The following RFTN1 variants were observed in gnomAD, a reference collection of about 807,000 sequenced individuals.
The protein encoded by RFTN1 is raftlin.
A neutral mutation model predicts 46.5 loss-of-function variants in RFTN1; 26 were observed. The observed-to-expected ratio is 0.56, with a 90% confidence interval of 0.41 to 0.78. The LOEUF (loss-of-function observed/expected upper bound fraction) is 0.78, where lower values mean the gene tolerates loss of function less well. Among genes scored for constraint, RFTN1 ranks in the 30% least tolerant of loss-of-function variants. The pLI is 0.00. For missense variants in RFTN1, 693 were observed against 718.7 expected, an observed-to-expected ratio of 0.96 and a Z score of 0.41; for synonymous variants, 261 against 284.2, an observed-to-expected ratio of 0.92 and a Z score of 0.82.
intron 4 of RFTN1, among the ~76,000 whole-genome samples, chr3:16,405,040 A>G (rs1178193752): frequency 6.6e-6 from 1 of 152,072 alleles, no homozygotes; most frequent in Admixed American, 6.6e-5. Flanking sequence ...CAAACTGTAG[A>G]CCTTTCCCAT....
chr3:16,392,262 A>C (rs1011229344), intron 4 of RFTN1, among the ~76,000 whole-genome samples: 5 of 152,202 alleles, frequency 3.3e-5, no homozygotes, highest in Non-Finnish European at 1.5e-5. Context: ...CATAATCACA[A>C]GCAATTAAAA....
In RFTN1 at chr3:16,434,396, A is replaced by C. The variant is rs1462515339; in HGVS notation, c.146-359T>G. Among the ~76,000 whole-genome samples the C allele has an allele frequency of 3.7e-4, 52 of 142,390 alleles. 1 individual carries two copies. Among genetic ancestry groups the C allele is most frequent in the Admixed American group, 2.2e-3 (30 of 13,800 alleles). 93.4% of individuals were successfully genotyped at this position (142,390 alleles called of 152,430 possible). On this transcript the variant is annotated intron_variant, in intron 2 of 9. Coordinates refer to ENST00000334133, the MANE Select transcript of RFTN1 (RefSeq NM_015150.2). ...AACAAACAAACAAACAAACAAACAA[A>C]AACAAAAAAACCCCCTCAAAATTAG...
At chr3:16,453,817 T>A (rs1208685487) in intron 2 of RFTN1, among the ~76,000 whole-genome samples, 1 of 152,186 alleles carries the variant, frequency 6.6e-6, no homozygotes, top group African/African-American at 2.4e-5. Context: ...AAGCAAATAT[T>A]TAAAGCAAAT....
chr3:16,401,886 G>A (rs1257031878), intron 4 of RFTN1, among the ~76,000 whole-genome samples: 1 of 152,232 alleles, frequency 6.6e-6, no homozygotes, highest in Non-Finnish European at 1.5e-5. Context: ...AGAGAGCGGA[G>A]GCTCAGTGGA....
intron 4 of RFTN1, among the ~76,000 whole-genome samples, chr3:16,388,227 T>A (rs955601268): frequency 1.3e-5 from 2 of 152,296 alleles, no homozygotes; most frequent in Non-Finnish European, 1.5e-5. Flanking sequence ...CCCCCCTCCA[T>A]CTCCCTACAA....
chr3:16,476,745 C>T (rs561444224), intron 2 of RFTN1, among the ~76,000 whole-genome samples: 3 of 152,252 alleles, frequency 2.0e-5, no homozygotes, highest in Non-Finnish European at 2.9e-5. Context: ...GACTCACCAT[C>T]GTGGGGGAAA....
In RFTN1 at chr3:16,383,398, A is replaced by C; in HGVS notation, c.442-5296T>G. ...TTTTGACTAATCCACAACTTCACTC[A>C]GTTGCTCTATAATAAGTAAGGACAT... On this transcript the variant is annotated intron_variant, in intron 4 of 9. Transcript: ENST00000334133. This position sits in a 1 kb window ranked among gnomAD's most constrained non-coding sequence, Gnocchi z 4.0. Among the ~76,000 whole-genome samples the C allele has an allele frequency of 6.6e-6, 1 of 152,230 alleles. No individual in the cohort carries two copies. Among genetic ancestry groups the C allele is most frequent in the East Asian group, 1.9e-4 (1 of 5,204 alleles).
intron 6 of RFTN1, among the ~76,000 whole-genome samples, chr3:16,367,761 T>A (rs796510627): frequency 9.2e-3 from 1,165 of 127,136 alleles, no homozygotes; most frequent in South Asian, 0.031. Flanking sequence ...TGACGGGAAG[T>A]AGAGGAGGCT....
intron 2 of RFTN1, among the ~76,000 whole-genome samples, chr3:16,453,223 T>G (rs981274864): frequency 2.0e-5 from 3 of 152,238 alleles, no homozygotes; most frequent in African/African-American, 7.2e-5. Context: ...TCAGAGCCTA[T>G]GCTCTTAACC....
chr3:16,370,045 G>T lies in RFTN1; in HGVS notation c.1030+31C>A. ...GAGTTAGAAGCAGAGTTCACAAAGG[G>T]CCACCCAAGGACTGTGAATTCCAAA... On this transcript the variant is annotated intron_variant, in intron 6 of 9. Coordinates refer to ENST00000334133, the MANE Select transcript of RFTN1 (RefSeq NM_015150.2). This position sits in a 1 kb window ranked among gnomAD's most constrained non-coding sequence, Gnocchi z 5.5. 1 of 1,599,824 alleles carries T rather than the reference G, an allele frequency of 6.3e-7. No homozygotes were observed. Among genetic ancestry groups the T allele is most frequent in the South Asian group, 1.1e-5 (1 of 90,776 alleles).
rs939850409 is a variant in RFTN1 at position 16,409,364 on chromosome 3, G to A, written c.441+11C>T. 6.4e-6 allele frequency: 10 copies of A among 1,563,748 alleles called. No homozygotes were observed. In the East Asian group the frequency reaches 1.3e-4, roughly 21 times the overall value. On this transcript the variant is annotated intron_variant, in intron 4 of 9. Coordinates refer to ENST00000334133, the MANE Select transcript of RFTN1 (RefSeq NM_015150.2). ...AAACCTCTTCAATGGTACCCTGACT[G>A]TAGCGCTCACCTTCTTAATGAACTC...
At chr3:16,482,174 G>A (rs1484114279) in intron 2 of RFTN1, among the ~76,000 whole-genome samples, 1 of 152,062 alleles carries the variant, frequency 6.6e-6, no homozygotes, top group Non-Finnish European at 1.5e-5. Context: ...AGACACACAG[G>A]GCACATGGAG....
Position 16,317,047 on chromosome 3 carries a change from C to G in RFTN1, c.1518G>C (p.Glu506Asp), listed in dbSNP as rs777059989. 1.2e-6 allele frequency: 2 copies of G among 1,613,954 alleles called. No homozygotes were observed. Among genetic ancestry groups the G allele is most frequent in the Admixed American group, 3.3e-5 (2 of 60,010 alleles). Residue 506 changes from glutamate to aspartate, a missense_variant, in exon 10 of 10, where the codon GAG becomes GAC. Transcript: ENST00000334133. This position sits in a 1 kb window ranked among gnomAD's most constrained non-coding sequence, Gnocchi z 4.3. ...CCTCTTGGACAGGGCCCTTCATCTC[C>G]TCGGAGACTCCACCCTCCTGCTGCT... The part of the protein sequence containing the change: ...SGQQQEGGVS[E>D]EMKGPVQEDK...
At chr3:16,375,118 AGAG>A (rs2073707281) in intron 5 of RFTN1, among the ~76,000 whole-genome samples, 1 of 152,152 alleles carries the variant, frequency 6.6e-6, no homozygotes, top group Admixed American at 6.5e-5. Context: ...ACCTGGCAGA[AGAG>A]GAGTAAAAAA....
intron 2 of RFTN1, among the ~76,000 whole-genome samples, chr3:16,436,969 T>C (rs73043160): frequency 0.084 from 12,851 of 152,264 alleles, 664 homozygotes; most frequent in Middle Eastern, 0.13. Flanking sequence ...TCTGTGGGTA[T>C]TTTTATTGGG....
Position 16,481,311 on chromosome 3 carries a change from TTA to T in RFTN1, c.145+12412_145+12413del, listed in dbSNP as rs541270782. ...AAAACTTAAAGCTACGTCACACATA[TTA>T]TCTCATTTATCTTTTGAAAATCTCT... On this transcript the variant is annotated intron_variant, in intron 2 of 9. Transcript: ENST00000334133. This position sits in a 1 kb window ranked among gnomAD's most constrained non-coding sequence, Gnocchi z 5.1. Among the ~76,000 whole-genome samples, 82 of 152,304 alleles carry T rather than the reference TTA, an allele frequency of 5.4e-4. No homozygotes were observed. In the South Asian group the frequency reaches 0.017, roughly 31 times the overall value.
chr3:16,390,231 A>AC (rs1435563355), intron 4 of RFTN1, among the ~76,000 whole-genome samples: 1 of 152,266 alleles, frequency 6.6e-6, no homozygotes, highest in African/African-American at 2.4e-5. Flanking sequence ...AGTGATCGTC[A>AC]CTAATCCATA....
rs34945684 is a variant in RFTN1 at position 16,480,998 on chromosome 3, GAC to G, written c.145+12725_145+12726del. On this transcript the variant is annotated intron_variant, in intron 2 of 9. Transcript: ENST00000334133. The surrounding 1 kb of genome is among the most constrained non-coding windows in gnomAD (Gnocchi z 4.3). ...ATATGCACATGCACACACACACACAGACACACACACACACACACACACACACA... is the reference window on the plus strand; with the variant it reads ...ATATGCACATGCACACACACACACAGACACACACACACACACACACACACA... Among the ~76,000 whole-genome samples, 6,780 of 145,762 alleles carry G rather than the reference GAC, an allele frequency of 0.047. 181 individuals are homozygous for G. Among genetic ancestry groups the G allele is most frequent in the Middle Eastern group, 0.074 (21 of 282 alleles).
At chr3:16,478,902 G>A (rs545653598) in intron 2 of RFTN1, among the ~76,000 whole-genome samples, 2 of 152,324 alleles carry the variant, frequency 1.3e-5, no homozygotes, top group South Asian at 4.1e-4. Flanking sequence ...GAGCGGGAGA[G>A]TGCAAGATGG....
Sources: gnomAD v4.1 joint callset for allele counts (sites outside exome capture counted in the v4.1 genomes callset) on GRCh38, gnomAD v4.1.1 for gene constraint, Gnocchi (gnomAD v3.1) non-coding constraint, MANE v1.5 for transcripts, NCBI Gene and HGNC (gene_info 2026-07-23, HGNC 2026-07-21) for gene names.